The following KIF1C variants were observed in gnomAD, a reference collection of about 807,000 sequenced individuals.
KIF1C encodes the protein kinesin-like protein KIF1C.
In KIF1C, 61 loss-of-function variants were observed where a neutral mutation model predicts 126.5. The ratio of observed to expected loss-of-function variants is 0.48; its 90% CI spans 0.39 to 0.60. The LOEUF (loss-of-function observed/expected upper bound fraction) is 0.60, where lower values mean the gene tolerates loss of function less well. Among genes scored for constraint, KIF1C ranks in the 20% least tolerant of loss-of-function variants. The probability of loss-of-function intolerance (pLI) is 0.00; values close to 1 mark genes in which losing one functional copy is unlikely to be tolerated. For missense variants in KIF1C, 1,315 were observed against 1,489.2 expected (o/e 0.88, Z 1.93); for synonymous variants, 640 against 580.6 (o/e 1.10, Z -1.47).
intron 12 of KIF1C, 78 bp downstream of exon 12, chr17:5,004,723 C>T: frequency 6.3e-7 from 1 of 1,582,798 alleles, no homozygotes; most frequent in Non-Finnish European, 8.7e-7. Flanking sequence ...GCTCAGGACC[C>T]TGCTCGTGAG....
intron 18 of KIF1C, among the ~76,000 whole-genome samples, chr17:5,015,581 G>C (rs969097905): frequency 1.6e-4 from 13 of 82,054 alleles, no homozygotes; most frequent in Admixed American, 6.6e-4. Context: ...ACTGCCCCCA[G>C]CTTTTTTTTT....
At position 5,001,411 on chromosome 17, in the gene KIF1C, G is replaced by A; in HGVS notation, c.363+10G>A. The stretch of plus-strand genomic sequence containing the variant: ...GGGCATCGTGCCCCAGGTACGCCTA[G>A]GACCTGGTGGGGCAGCCAGGGCAGG... On this transcript the variant is annotated intron_variant, in intron 5 of 22. Coordinates refer to ENST00000320785, the MANE Select transcript of KIF1C (RefSeq NM_006612.6). 6.2e-7 allele frequency: 1 copy of A among 1,612,736 alleles called. No homozygotes were observed. The highest frequency in any genetic ancestry group is 1.1e-5 in the South Asian group (1 of 91,040).
At chr17:5,013,386 G>A (rs946189455) in intron 16 of KIF1C, among the ~76,000 whole-genome samples, 2 of 152,120 alleles carry the variant, frequency 1.3e-5, no homozygotes, top group African/African-American at 4.8e-5. Context: ...TGGATGGGTG[G>A]GGCAATTTTT....
intron 18 of KIF1C, among the ~76,000 whole-genome samples, chr17:5,018,974 C>T (rs572643184): frequency 1.3e-5 from 2 of 152,164 alleles, no homozygotes; most frequent in Admixed American, 6.5e-5. Context: ...TCTAGGCACC[C>T]GCATCCCGTC....
In KIF1C at chr17:5,019,982, G is replaced by C; in HGVS notation, c.1667-14G>C. On this transcript the variant is annotated splice_polypyrimidine_tract_variant and intron_variant, in intron 18 of 22. Transcript: ENST00000320785. ...AGGGTCTAATCTTTCCCCTTCCTCT[G>C]CCCCTCCATTCAGTGGTGGTCACTC... The C allele has an allele frequency of 6.3e-7, 1 of 1,590,836 alleles. No homozygotes were observed. Among genetic ancestry groups the C allele is most frequent in the Non-Finnish European group, 8.6e-7 (1 of 1,166,982 alleles).
At chr17:5,014,071 C>T (rs75065465) in intron 17 of KIF1C, 52 of 304,558 alleles carry the variant, frequency 1.7e-4, no homozygotes, top group African/African-American at 9.7e-4. Flanking sequence ...AAGGGAAACA[C>T]GGCCTGGTCT....
intron 18 of KIF1C, among the ~76,000 whole-genome samples, chr17:5,018,382 T>A (rs1975023490): frequency 6.6e-6 from 1 of 151,948 alleles, no homozygotes; most frequent in Non-Finnish European, 1.5e-5. Context: ...ATAAATGGCA[T>A]CTGGCCAGGC....
At chr17:5,016,903 C>CAA (rs550926473) in intron 18 of KIF1C, among the ~76,000 whole-genome samples, 76 of 84,960 alleles carry the variant, frequency 8.9e-4, no homozygotes, top group African/African-American at 2.4e-3. Context: ...GAGACTGTTT[C>CAA]AAAAAAAAAA....
At chr17:5,006,591 C>T (rs546147253) in intron 13 of KIF1C, among the ~76,000 whole-genome samples, 2 of 152,310 alleles carry the variant, frequency 1.3e-5, no homozygotes, top group East Asian at 1.9e-4. Context: ...CCGCCTGGGC[C>T]TCCCAAAGTG....
intron 16 of KIF1C, among the ~76,000 whole-genome samples, chr17:5,008,803 C>T (rs1400967781): frequency 6.6e-6 from 1 of 152,200 alleles, no homozygotes; most frequent in Non-Finnish European, 1.5e-5. Context: ...CCAGCCACAC[C>T]TAGGTGGAAA....
Position 5,022,133 on chromosome 17 carries a change from T to C in KIF1C, c.2052T>C (p.Ser684=), listed in dbSNP as rs1382422734. Residue 684 remains serine (S), a synonymous_variant, in exon 22 of 23, where the codon TCT becomes TCC. Transcript: ENST00000320785. The surrounding 1 kb of genome is among the most constrained non-coding windows in gnomAD (Gnocchi z 4.9). ...GCGGGGATGACTCTGACAAGCGCTC[T>C]TGTGAAGAGAGCTGGAGGCTCATCT... ...SDSGDDSDKR[S]CEESWRLISS... The C allele has an allele frequency of 1.9e-6, 3 of 1,612,594 alleles. No individual in the cohort carries two copies. Among genetic ancestry groups the C allele is most frequent in the South Asian group, 1.1e-5 (1 of 91,034 alleles).
In KIF1C at chr17:5,022,593, G is replaced by A. The variant is rs139084469; in HGVS notation, c.2512G>A (p.Asp838Asn). ...AEVEDLRAHI[D>N]KLTGILQEVK... ...GGTGGAGGACCTCCGGGCCCACATC[G>A]ACAAGCTGACGGGGATTCTGCAGGA... Residue 838 changes from aspartate (D) to asparagine (N), a missense_variant, in exon 22 of 23, where the codon GAC (aspartate) becomes AAC (asparagine). By Grantham distance (23) the Asp-to-Asn change is conservative. Around this residue, in one of 2 missense-constraint regions of KIF1C, gnomAD observed 441 missense variants for 436.1 expected, o/e 1.01. Transcript: ENST00000320785. The surrounding 1 kb of genome is among the most constrained non-coding windows in gnomAD (Gnocchi z 4.9). 82 of 1,603,440 alleles carry A rather than the reference G, an allele frequency of 5.1e-5. No homozygotes were observed. In the African/African-American group the frequency reaches 9.6e-4, roughly 19 times the overall value.
At position 5,023,609 on chromosome 17, in the gene KIF1C, G is replaced by A. The variant is rs764619422; in HGVS notation, c.2770G>A (p.Val924Met). Residue 924 changes from valine to methionine, a missense_variant, in exon 23 of 23, where the codon GTG becomes ATG. Val to Met is a conservative substitution (Grantham distance 21). This residue lies in a region of KIF1C where 441 missense variants were observed against 436.1 expected (regional missense o/e 1.01). Coordinates refer to ENST00000320785, the MANE Select transcript of KIF1C (RefSeq NM_006612.6). The surrounding 1 kb of genome is among the most constrained non-coding windows in gnomAD (Gnocchi z 4.2). ...PSPPLSSWER[V>M]SRLMEEDPAF... Reference sequence around the variant, plus strand: ...GCCACCACTGTCAAGCTGGGAGCGGGTGTCACGGCTCATGGAGGAGGACCC... The same window carrying A: ...GCCACCACTGTCAAGCTGGGAGCGGATGTCACGGCTCATGGAGGAGGACCC... 2 of 1,613,618 alleles carry A rather than the reference G, an allele frequency of 1.2e-6. No individual in the cohort carries two copies. Among genetic ancestry groups the A allele is most frequent in the African/African-American group, 2.7e-5 (2 of 74,908 alleles).
In KIF1C at chr17:5,014,720, A is replaced by G. The variant is rs778061346; in HGVS notation, c.1572-23A>G. 3.9e-6 allele frequency: 6 copies of G among 1,556,480 alleles called. No homozygotes were observed. The Admixed American group carries it at 7.6e-5, about 20-fold the overall frequency. On this transcript the variant is annotated intron_variant, in intron 17 of 22. Transcript: ENST00000320785. ...GGTTAAAGTCTGGCACATGCTCACAAACGTTGGCCATTGCTTCCCCAGGGT... is the reference window on the plus strand; with the variant it reads ...GGTTAAAGTCTGGCACATGCTCACAGACGTTGGCCATTGCTTCCCCAGGGT...
At position 5,020,820 on chromosome 17, in the gene KIF1C, A is replaced by G. The variant is rs751270593; in HGVS notation, c.1952A>G (p.Glu651Gly). 6.3e-7 allele frequency: 1 copy of G among 1,594,568 alleles called. No homozygotes were observed. The highest frequency in any genetic ancestry group is 8.5e-7 in the Non-Finnish European group (1 of 1,170,232). The change falls in exon 21 of 23, where the codon GAG becomes GGG. Residue 651 changes from glutamate to glycine, a missense_variant. Physicochemically the swap from Glu to Gly is moderately conservative, Grantham distance 98. Coordinates refer to ENST00000320785, the MANE Select transcript of KIF1C (RefSeq NM_006612.6). The surrounding 1 kb of genome is among the most constrained non-coding windows in gnomAD (Gnocchi z 5.8). ...LEMEKRLQDL[E>G]NQYRKEKEEA... is the part of the protein sequence containing the mutation. ...TCCAATCCCAGGCTGCAGGATCTGGAGAATCAGTACCGGAAAGAAAAGGAA... is the reference window on the plus strand; with the variant it reads ...TCCAATCCCAGGCTGCAGGATCTGGGGAATCAGTACCGGAAAGAAAAGGAA...
intron 18 of KIF1C, among the ~76,000 whole-genome samples, chr17:5,018,460 C>T (rs1266685396): frequency 1.3e-5 from 2 of 151,860 alleles, no homozygotes; most frequent in East Asian, 1.9e-4. Context: ...TGAGGTCAGG[C>T]GGGTGGATCA....
Position 5,000,783 on chromosome 17 carries a change from C to T in KIF1C, c.118C>T (p.Pro40Ser). Residue 40 changes from proline (P) to serine (S), a missense_variant, in exon 4 of 23, where the codon CCT (proline) becomes TCT (serine). By Grantham distance (74) the Pro-to-Ser change is moderately conservative. Coordinates refer to ENST00000320785, the MANE Select transcript of KIF1C (RefSeq NM_006612.6). ...CTCCTGCCCCTCAGCCATCATCAAT[C>T]CTAAACAGAGCAAGGATGCCCCCAA... is the stretch of plus-strand genomic sequence containing the variant. ...MQGNTTSIIN[P>S]KQSKDAPKSF... 1 of 1,614,020 alleles carries T rather than the reference C, an allele frequency of 6.2e-7. No individual in the cohort carries two copies. Among genetic ancestry groups the T allele is most frequent in the Non-Finnish European group, 8.5e-7 (1 of 1,179,948 alleles).
chr17:5,002,726 C>T lies in KIF1C; in HGVS notation c.609-5C>T, dbSNP rs747601741. 4 of 1,614,054 alleles carry T rather than the reference C, an allele frequency of 2.5e-6. No individual in the cohort carries two copies. Among genetic ancestry groups the T allele is most frequent in the East Asian group, 2.2e-5 (1 of 44,872 alleles). On this transcript the variant is annotated splice_polypyrimidine_tract_variant and splice_region_variant and intron_variant, in intron 7 of 22. Coordinates refer to ENST00000320785, the MANE Select transcript of KIF1C (RefSeq NM_006612.6). ...GGATCCAGTGACTGCTTTCTTTACCCTAAGGACTGTGGCTGCCACCAACAT... is the reference window on the plus strand; with the variant it reads ...GGATCCAGTGACTGCTTTCTTTACCTTAAGGACTGTGGCTGCCACCAACAT...
At position 5,022,604 on chromosome 17, in the gene KIF1C, G is replaced by C. The variant is rs747321053; in HGVS notation, c.2523G>C (p.Thr841=). 2 of 1,606,402 alleles carry C rather than the reference G, an allele frequency of 1.2e-6. No homozygotes were observed. Among genetic ancestry groups the C allele is most frequent in the Non-Finnish European group, 1.7e-6 (2 of 1,176,144 alleles). ...EDLRAHIDKL[T]GILQEVKLQN... The stretch of plus-strand genomic sequence containing the variant: ...TCCGGGCCCACATCGACAAGCTGAC[G>C]GGGATTCTGCAGGAGGTGAAGCTGC... Residue 841 remains threonine, a synonymous_variant, in exon 22 of 23, where the codon ACG becomes ACC. Transcript: ENST00000320785. The surrounding 1 kb of genome is among the most constrained non-coding windows in gnomAD (Gnocchi z 4.9).
Sources: gnomAD v4.1 joint callset for allele counts (sites outside exome capture counted in the v4.1 genomes callset) on GRCh38, gnomAD v4.1.1 for gene constraint, gnomAD v4.1.1 regional missense constraint, Gnocchi (gnomAD v3.1) non-coding constraint, MANE v1.5 for transcripts, NCBI Gene and HGNC (gene_info 2026-07-23, HGNC 2026-07-21) for gene names.